The following MYO18B variants were observed in gnomAD, a reference collection of about 807,000 sequenced individuals.
MYO18B encodes the protein unconventional myosin-XVIIIb.
In MYO18B, 204 loss-of-function variants were observed where a neutral mutation model predicts 273.0. That is an observed-to-expected ratio of 0.75 (90% CI 0.67 to 0.84). The LOEUF is 0.84. MYO18B is among the 40% of genes least tolerant of loss of function. The pLI is 0.00. For synonymous variants in MYO18B, 1,330 were observed against 1,305.7 expected, an observed-to-expected ratio of 1.02 and a Z score of -0.40; for missense variants, 3,212 against 3,287.6, an observed-to-expected ratio of 0.98 and a Z score of 0.56.
At chr22:25,873,794 CA>C (rs1422365933) in intron 22 of MYO18B, among the ~76,000 whole-genome samples, 1 of 152,180 alleles carries the variant, frequency 6.6e-6, no homozygotes, top group Non-Finnish European at 1.5e-5. Context: ...GGTGCTTACC[CA>C]AAATATTCAC....
Position 25,876,340 on chromosome 22 carries a change from T to C in MYO18B, c.4224+8T>C, listed in dbSNP as rs766949688. 1.2e-5 allele frequency: 20 copies of C among 1,603,840 alleles called. No homozygotes were observed. The highest frequency in any genetic ancestry group is 1.6e-5 in the Non-Finnish European group (19 of 1,173,492). ...CAGCTCCGAGCCAAGGAGGTCAGTCTATGTGGCAGGCAGGGTGCTGGGTGG... is the reference window on the plus strand; with the variant it reads ...CAGCTCCGAGCCAAGGAGGTCAGTCCATGTGGCAGGCAGGGTGCTGGGTGG... On this transcript the variant is annotated splice_region_variant and intron_variant, in intron 24 of 43. Coordinates refer to ENST00000335473, the MANE Select transcript of MYO18B (RefSeq NM_032608.7).
intron 7 of MYO18B, 104 bp downstream of exon 7, chr22:25,772,614 T>C (rs1156779450): frequency 5.1e-6 from 6 of 1,179,992 alleles, no homozygotes; most frequent in Non-Finnish European, 7.0e-6. Flanking sequence ...GAGCCCCCAG[T>C]CGACCTGTCT....
At chr22:25,752,887 G>A (rs892482369) in intron 1 of MYO18B, among the ~76,000 whole-genome samples, 15 of 152,300 alleles carry the variant, frequency 9.8e-5, no homozygotes, top group African/African-American at 3.4e-4. Flanking sequence ...CGGAGGCTCC[G>A]TACTCGGAGC....
At position 25,895,180 on chromosome 22, in the gene MYO18B, A is replaced by G. The variant is rs771270862; in HGVS notation, c.4568A>G (p.Asp1523Gly). ...GCAGACGAGTGGCAGATGCGCTTCG[A>G]CTGTGCTCAGATGGAGAACGAGTTC... ...GGADEWQMRF[D>G]CAQMENEFLR... Residue 1523 changes from aspartate (D) to glycine (G), a missense_variant, in exon 28 of 44, where the codon GAC (aspartate) becomes GGC (glycine). By Grantham distance (94) the Asp-to-Gly change is moderately conservative (BLOSUM62 -1). Transcript: ENST00000335473. 2.5e-6 allele frequency: 4 copies of G among 1,612,434 alleles called. No homozygotes were observed. The highest frequency in any genetic ancestry group is 3.4e-6 in the Non-Finnish European group (4 of 1,179,326).
chr22:25,876,003 CGTGTGTGTGTGTGTGTGT>C (rs4049349), intron 23 of MYO18B, among the ~76,000 whole-genome samples, 168 bp from the exon 24 acceptor site: 239 of 140,014 alleles, frequency 1.7e-3, no homozygotes, highest in Non-Finnish European at 2.7e-3. Context: ...AAAGGAAGCC[CGTGTGTGTGTGTGTGTGT>C]GTGTGTGTGT....
chr22:25,770,533 T>C (rs1198142132), intron 5 of MYO18B, among the ~76,000 whole-genome samples: 3 of 151,062 alleles, frequency 2.0e-5, no homozygotes, highest in African/African-American at 7.3e-5. Flanking sequence ...CTGGGAAGAG[T>C]GGTTGATTAG....
At chr22:25,825,076 C>T (rs2089442464) in intron 13 of MYO18B, among the ~76,000 whole-genome samples, 2 of 152,126 alleles carry the variant, frequency 1.3e-5, no homozygotes, top group African/African-American at 2.4e-5. Context: ...GACACAAGCA[C>T]ACACGTGCAC....
chr22:25,902,541 C>A, intron 29 of MYO18B, 72 bp from the exon 30 acceptor site: 1 of 1,522,866 alleles, frequency 6.6e-7, no homozygotes, highest in Non-Finnish European at 8.8e-7. Flanking sequence ...TGCAGCCCCT[C>A]CCTGCCCCTG....
intron 38 of MYO18B, 22 bp downstream of exon 38, chr22:25,952,445 G>T (rs753869797): frequency 6.2e-7 from 1 of 1,612,058 alleles, no homozygotes; most frequent in Admixed American, 1.7e-5. Context: ...TTCATAAATA[G>T]TGCCTGGGCC....
rs1417887317 is a variant in MYO18B at position 25,835,409 on chromosome 22, T to G, written c.3174T>G (p.Cys1058Trp). Residue 1058 changes from cysteine (C) to tryptophan (W), a missense_variant, in exon 17 of 44, where the codon TGT becomes TGG. By Grantham distance (215) the Cys-to-Trp change is radical. Transcript: ENST00000335473. ...SSDSVVLERL[C>W]AAFEKKGAGT... The stretch of plus-strand genomic sequence containing the variant: ...ACAGTGTGGTGCTCGAGCGTCTGTG[T>G]GCTGCTTTCGAGAAGAAAGGAGCTG... 6.2e-7 allele frequency: 1 copy of G among 1,613,932 alleles called. No homozygotes were observed. Among genetic ancestry groups the G allele is most frequent in the East Asian group, 2.2e-5 (1 of 44,880 alleles).
intron 17 of MYO18B, among the ~76,000 whole-genome samples, chr22:25,836,590 A>C (rs188714089): frequency 1.3e-5 from 2 of 152,298 alleles, no homozygotes; most frequent in East Asian, 1.9e-4. Context: ...AGAGGAGAGA[A>C]GGGTCAAAAG....
the MYO18B span, among the ~76,000 whole-genome samples, chr22:26,060,840 A>ATATACAT: frequency 1.3e-5 from 1 of 78,488 alleles, no homozygotes; most frequent in Non-Finnish European, 2.5e-5. Context: ...ACATATACAC[A>ATATACAT]ATATACACAT....
At chr22:25,946,356 T>G (rs1569221668) in intron 35 of MYO18B, 106 bp downstream of exon 35, 1 of 695,740 alleles carries the variant, frequency 1.4e-6, no homozygotes, top group Non-Finnish European at 2.3e-6. Context: ...TGAGGACATT[T>G]ATTGTAAACC....
At chr22:26,049,195 C>CA in the MYO18B span, among the ~76,000 whole-genome samples, 1 of 152,220 alleles carries the variant, frequency 6.6e-6, no homozygotes, top group African/African-American at 2.4e-5. Flanking sequence ...TCCGAAGTGG[C>CA]AACCAGCCCC....
intron 10 of MYO18B, among the ~76,000 whole-genome samples, chr22:25,784,753 G>T (rs553324308): frequency 6.6e-6 from 1 of 152,218 alleles, no homozygotes; most frequent in Non-Finnish European, 1.5e-5. Flanking sequence ...CCTTTGGCTT[G>T]CATTCCTCAA....
At position 25,769,106 on chromosome 22, in the gene MYO18B, A is replaced by G. The variant is rs749413258; in HGVS notation, c.1190A>G (p.Gln397Arg). 5.7e-5 allele frequency: 92 copies of G among 1,613,438 alleles called. No homozygotes were observed. The Admixed American group carries it at 1.5e-3, about 26-fold the overall frequency. ...TGGGATAAGAAGGAAAAGATGGGGC[A>G]ACCCCAGGGTAAGTCCGGGAACGCA... is the stretch of plus-strand genomic sequence containing the variant. The part of the protein sequence containing the change: ...ESWDKKEKMG[Q>R]PQGKSGNAGE... Residue 397 changes from glutamine (Q) to arginine (R), a missense_variant, in exon 4 of 44, where the codon CAA (glutamine) becomes CGA (arginine). Gln to Arg is a conservative substitution (Grantham distance 43, BLOSUM62 1). Transcript: ENST00000335473.
chr22:25,997,978 C>CGAGAGAGAGA lies in MYO18B; in HGVS notation c.6288-5272_6288-5263dup, dbSNP rs5844669. ...ACACAAACACACACACACACACACA[C>CGAGAGAGAGA]GAGAGAGAGAGAGAGAGAGAGAGAT... On this transcript the variant is annotated intron_variant, in intron 40 of 43. Transcript: ENST00000335473. Among the ~76,000 whole-genome samples, 812 of 144,584 alleles carry CGAGAGAGAGA rather than the reference C, an allele frequency of 5.6e-3. 6 individuals carry two copies. The highest frequency in any genetic ancestry group is 0.016 in the African/African-American group (624 of 37,886). 94.9% of individuals were successfully genotyped at this position (144,584 alleles called of 152,430 possible).
intron 39 of MYO18B, among the ~76,000 whole-genome samples, chr22:25,975,702 A>T (rs1199796799): frequency 6.6e-6 from 1 of 152,224 alleles, no homozygotes; most frequent in African/African-American, 2.4e-5. Context: ...TATCACCTGT[A>T]CACAGATCAC....
chr22:25,753,951 C>A (rs138310361), intron 1 of MYO18B, among the ~76,000 whole-genome samples: 114 of 152,316 alleles, frequency 7.5e-4, no homozygotes, highest in African/African-American at 2.6e-3. Context: ...GTTGCCCAGG[C>A]TCTTTTGGAA....
Sources: gnomAD v4.1 joint callset for allele counts (sites outside exome capture counted in the v4.1 genomes callset) on GRCh38, gnomAD v4.1.1 for gene constraint, MANE v1.5 for transcripts, NCBI Gene and HGNC (gene_info 2026-07-23, HGNC 2026-07-21) for gene names.